SLC2A14: variants seen among roughly 807,000 people sequenced by gnomAD.
SLC2A14 encodes the protein solute carrier family 2, facilitated glucose transporter member 14.
A neutral mutation model predicts 43.0 loss-of-function variants in SLC2A14; 13 were observed. The ratio of observed to expected loss-of-function variants is 0.30; its 90% confidence interval spans 0.20 to 0.48. The LOEUF (loss-of-function observed/expected upper bound fraction) is 0.48. Ranked by LOEUF, SLC2A14 falls within the 20% of genes least tolerant of loss-of-function variation. The probability of loss-of-function intolerance (pLI) is 0.99; values close to 1 mark genes in which losing one functional copy is unlikely to be tolerated. For synonymous variants in SLC2A14, 190 were observed against 233.8 expected, an observed-to-expected ratio of 0.81 and a Z score of 1.71; for missense variants, 428 against 620.4, an observed-to-expected ratio of 0.69 and a Z score of 3.29.
intron 2 of SLC2A14, among the ~76,000 whole-genome samples, chr12:7,866,698 G>A (rs1944932569): frequency 6.6e-6 from 1 of 152,144 alleles, no homozygotes; most frequent in African/African-American, 2.4e-5. Flanking sequence ...GCTGAGAAAG[G>A]TGAGGAAGCT....
At chr12:7,852,730 C>T (rs1048911222) in intron 2 of SLC2A14, among the ~76,000 whole-genome samples, 3 of 152,076 alleles carry the variant, frequency 2.0e-5, no homozygotes, top group African/African-American at 7.2e-5. Context: ...GAGCAAGTCA[C>T]CACTGTTTGA....
At chr12:7,815,602 G>A (rs950985315) in intron 10 of SLC2A14, among the ~76,000 whole-genome samples, 5 of 152,032 alleles carry the variant, frequency 3.3e-5, no homozygotes, top group African/African-American at 9.7e-5. Context: ...TTGAGACGGA[G>A]TTTCGCTCTT....
intron 1 of SLC2A14, among the ~76,000 whole-genome samples, chr12:7,883,609 T>C (rs1945633293): frequency 1.6e-5 from 2 of 123,272 alleles, no homozygotes; most frequent in Admixed American, 1.8e-4. Context: ...TTTTTTTTTT[T>C]TTTTGAGACG....
intron 2 of SLC2A14, among the ~76,000 whole-genome samples, chr12:7,859,716 T>A (rs933945471): frequency 1.4e-4 from 21 of 152,256 alleles, no homozygotes; most frequent in African/African-American, 4.8e-4. Context: ...AGTAGATTAT[T>A]ACAATATCCT....
intron 5 of SLC2A14, among the ~76,000 whole-genome samples, 171 bp from the exon 6 acceptor site, chr12:7,829,037 AC>A (rs1243190154): frequency 6.6e-6 from 1 of 151,748 alleles, no homozygotes; most frequent in Non-Finnish European, 1.5e-5. Flanking sequence ...AGATGGTGAA[AC>A]CCCGTCTCTA....
chr12:7,882,079 C>A (rs892232436), intron 1 of SLC2A14, among the ~76,000 whole-genome samples: 1 of 152,110 alleles, frequency 6.6e-6, no homozygotes, highest in African/African-American at 2.4e-5. Flanking sequence ...GCCTCCCTTT[C>A]TACACTTGGA....
At chr12:7,872,972 G>A (rs1443723161), upstream of SLC2A14, 2 of 985,342 alleles carry the variant, frequency 2.0e-6, no homozygotes, top group Admixed American at 6.1e-5. Flanking sequence ...GTTACAAAAC[G>A]TGACTCGGTT....
chr12:7,823,707 C>T (rs771938139), intron 7 of SLC2A14, among the ~76,000 whole-genome samples: 1 of 139,454 alleles, frequency 7.2e-6, no homozygotes, highest in South Asian at 2.3e-4. Context: ...GCAATAAGAG[C>T]GAAACTCCGT....
In SLC2A14 at chr12:7,864,238, C is replaced by T. The variant is rs80008975; in HGVS notation, c.18+5625G>A. ...CTCTGAATGTAGCCTATCTTTTCAC[C>T]ATATACATGGGGCCTTTTGCAGAGC... On this transcript the variant is annotated intron_variant, in intron 2 of 10. Coordinates refer to ENST00000431042, the MANE Select transcript of SLC2A14 (RefSeq NM_001286234.2). Among the ~76,000 whole-genome samples the T allele has an allele frequency of 6.4e-3, 977 of 152,196 alleles. 7 individuals carry two copies. The highest frequency in any genetic ancestry group is 0.022 in the African/African-American group (910 of 41,526).
chr12:7,830,344 G>A (rs7979727), intron 4 of SLC2A14, among the ~76,000 whole-genome samples: 15,584 of 151,964 alleles, frequency 0.1, 2,074 homozygotes, highest in African/African-American at 0.3. Context: ...GTAGAGATGG[G>A]GTTTCACCAT....
At chr12:7,888,399 G>A (rs1022350912) in intron 1 of SLC2A14, among the ~76,000 whole-genome samples, 3 of 152,092 alleles carry the variant, frequency 2.0e-5, no homozygotes, top group Non-Finnish European at 4.4e-5. Flanking sequence ...GATCAAAAAC[G>A]CACTCAATGG....
chr12:7,890,789 T>C (rs957938966), intron 1 of SLC2A14: 2 of 383,540 alleles, frequency 5.2e-6, no homozygotes, highest in Non-Finnish European at 9.3e-6. Flanking sequence ...AAGTCCCCCT[T>C]CAGCAAAGAA....
chr12:7,816,198 G>A lies in SLC2A14; in HGVS notation c.1275+1633C>T, dbSNP rs765882519. Among the ~76,000 whole-genome samples, 2 of 101,630 alleles carry A rather than the reference G, an allele frequency of 2.0e-5. 1 individual carries two copies. The highest frequency in any genetic ancestry group is 6.9e-4 in the South Asian group (2 of 2,902). 66.7% of individuals were successfully genotyped at this position (101,630 alleles called of 152,430 possible). A position where few individuals can be genotyped will look rare whatever the true frequency, so the allele number is the denominator to read the frequency against. ...CGGCTCACTGCAAGCTCCGCTTCCC[G>A]GGTTCACGCCATTCTCCTGCCTCAG... is the stretch of plus-strand genomic sequence containing the variant. On this transcript the variant is annotated intron_variant, in intron 10 of 10. Transcript: ENST00000431042.
intron 2 of SLC2A14, among the ~76,000 whole-genome samples, chr12:7,849,859 C>G (rs183617625): frequency 2.1e-5 from 3 of 145,790 alleles, no homozygotes; most frequent in Admixed American, 1.4e-4. Flanking sequence ...GAGCCGAGAT[C>G]AGGGCACTGA....
At chr12:7,884,269 C>A (rs58491955) in intron 1 of SLC2A14, among the ~76,000 whole-genome samples, 2 of 152,276 alleles carry the variant, frequency 1.3e-5, no homozygotes, top group East Asian at 3.9e-4. Context: ...TGAACTCTTT[C>A]TTTCACATAA....
chr12:7,863,827 T>C (rs1944754520), intron 2 of SLC2A14, among the ~76,000 whole-genome samples: 3 of 134,492 alleles, frequency 2.2e-5, no homozygotes, highest in African/African-American at 7.8e-5. Flanking sequence ...TTTTTTCTTT[T>C]TTTTTTTTGA....
In SLC2A14 at chr12:7,829,161, G is replaced by A. The variant is rs752757753; in HGVS notation, c.514-295C>T. Among the ~76,000 whole-genome samples the A allele has an allele frequency of 4.6e-5, 7 of 152,058 alleles. 1 individual carries two copies. Among genetic ancestry groups the A allele is most frequent in the East Asian group, 3.9e-4 (2 of 5,152 alleles). On this transcript the variant is annotated intron_variant, in intron 5 of 10. Transcript: ENST00000431042. ...CAGGAGGCGGAGGTTGCAGTGAGCC[G>A]AGATCGCGCCACTGCCCTCCAGACT...
chr12:7,838,889 T>C (rs983226145), intron 2 of SLC2A14, among the ~76,000 whole-genome samples: 1 of 152,066 alleles, frequency 6.6e-6, no homozygotes, highest in African/African-American at 2.4e-5. Context: ...AGGGTGGGGC[T>C]CTAGTCCAAT....
At chr12:7,883,567 CTTTT>C (rs1331384105) in intron 1 of SLC2A14, among the ~76,000 whole-genome samples, 21 of 117,406 alleles carry the variant, frequency 1.8e-4, no homozygotes, top group Non-Finnish European at 1.6e-4. Context: ...CGCCCGGCCT[CTTTT>C]TCTTTTTCTT....
Sources: allele counts gnomAD v4.1 joint callset (sites outside exome capture counted in the v4.1 genomes callset), GRCh38; gene constraint gnomAD v4.1.1; transcripts MANE v1.5; gene names NCBI Gene and HGNC (gene_info 2026-07-23, HGNC 2026-07-21).